The following SH3BP5 variants were observed in gnomAD, a reference collection of about 807,000 sequenced individuals.
The protein encoded by SH3BP5 is SH3 domain binding protein 5.
In SH3BP5, 22 loss-of-function variants were observed where a neutral mutation model predicts 43.3. That is an observed-to-expected ratio of 0.51 (90% CI 0.36 to 0.73). The LOEUF (loss-of-function observed/expected upper bound fraction) is 0.73, where lower values mean the gene tolerates loss of function less well. Among genes scored for constraint, SH3BP5 ranks in the 30% least tolerant of loss-of-function variants. The probability of loss-of-function intolerance (pLI) is 0.00; values close to 1 mark genes in which losing one functional copy is unlikely to be tolerated. For synonymous variants in SH3BP5, 255 were observed against 225.8 expected, an observed-to-expected ratio of 1.13 and a Z score of -1.16; for missense variants, 529 against 586.9, an observed-to-expected ratio of 0.90 and a Z score of 1.02.
intron 7 of SH3BP5, chr3:15,257,497 CCAAA>C (rs1053034425): frequency 7.4e-4 from 124 of 166,530 alleles, no homozygotes; most frequent in Non-Finnish European, 1.4e-3. Context: ...GTAACATATC[CCAAA>C]CAAAGCCAGC....
intron 3 of SH3BP5, among the ~76,000 whole-genome samples, chr3:15,292,469 T>A (rs978453446): frequency 2.0e-5 from 3 of 152,130 alleles, no homozygotes; most frequent in Non-Finnish European, 2.9e-5. Context: ...GGCTAAGACC[T>A]GCCTGCAACC....
chr3:15,256,646 C>G (rs1696212153), intron 8 of SH3BP5: 1 of 622,200 alleles, frequency 1.6e-6, no homozygotes, highest in African/African-American at 1.8e-5. Context: ...GACCTAAGCT[C>G]TACTTTATAG....
intron 3 of SH3BP5, among the ~76,000 whole-genome samples, chr3:15,294,330 T>TGCGCGC (rs71045148): frequency 6.6e-5 from 8 of 121,504 alleles, no homozygotes; most frequent in African/African-American, 2.4e-4. Flanking sequence ...TGTGTGTGTG[T>TGCGCGC]GCGCGCGCAT....
intron 3 of SH3BP5, among the ~76,000 whole-genome samples, chr3:15,292,590 T>C (rs567410372): frequency 6.6e-6 from 1 of 152,186 alleles, no homozygotes; most frequent in African/African-American, 2.4e-5. Flanking sequence ...GGCTCATGCC[T>C]GTAATCCCAG....
At chr3:15,272,043 C>A (rs1158379166) in intron 3 of SH3BP5, among the ~76,000 whole-genome samples, 1 of 152,020 alleles carries the variant, frequency 6.6e-6, no homozygotes, top group Non-Finnish European at 1.5e-5. Flanking sequence ...CCCTGGGACT[C>A]GGGAAGAGGG....
At chr3:15,320,605 A>AAC (rs376414934) in intron 2 of SH3BP5, among the ~76,000 whole-genome samples, 6,629 of 126,918 alleles carry the variant, frequency 0.052, 286 homozygotes, top group East Asian at 0.13. Flanking sequence ...ATCCAGCCAA[A>AAC]ACACACACAC....
In SH3BP5 at chr3:15,255,902, A is replaced by AAAAACCAGC; in HGVS notation, c.*175_*183dup. ...TACCCACAACAAGAACTCTGCTCTG[A>AAAAACCAGC]AAAACCAGCCCAAGAGCTCTTACCC... is the stretch of plus-strand genomic sequence containing the variant. On this transcript the variant is annotated 3_prime_UTR_variant, in exon 9 of 9. Transcript: ENST00000383791. The AAAAACCAGC allele has an allele frequency of 6.6e-6, 4 of 610,566 alleles. No individual in the cohort carries two copies. In the South Asian group the frequency reaches 8.0e-5, roughly 12 times the overall value. 37.8% of individuals were successfully genotyped at this position (610,566 alleles called of 1,614,324 possible).
chr3:15,294,701 T>C (rs1697521291), intron 3 of SH3BP5, among the ~76,000 whole-genome samples: 1 of 152,020 alleles, frequency 6.6e-6, no homozygotes, highest in African/African-American at 2.4e-5. Context: ...AATACATCAT[T>C]AGCGCTCAAA....
rs111450267 is a variant in SH3BP5, at chr3:15,295,559, C to T, written c.330+8544G>A. Among the ~76,000 whole-genome samples the T allele has an allele frequency of 7.3e-3, 1,106 of 152,262 alleles. 15 individuals carry two copies. The highest frequency in any genetic ancestry group is 0.025 in the African/African-American group (1,048 of 41,528). ...TCCTAAGTACAAGAAGGCTGTGATG[C>T]GCCTTATGGAGAAAATGCTTGCGTT... On this transcript the variant is annotated intron_variant, in intron 3 of 8. Transcript: ENST00000383791.
At chr3:15,335,739 T>C (rs548036970), upstream of SH3BP5, among the ~76,000 whole-genome samples, 1 of 152,262 alleles carries the variant, frequency 6.6e-6, no homozygotes, top group East Asian at 1.9e-4. Flanking sequence ...GGGACAACTG[T>C]ATATATTCCC....
chr3:15,265,237 G>A (rs1040859474), intron 4 of SH3BP5, among the ~76,000 whole-genome samples: 2 of 152,072 alleles, frequency 1.3e-5, no homozygotes, highest in African/African-American at 2.4e-5. Flanking sequence ...AGGGCAGCCA[G>A]GTGCGATGGG....
upstream of SH3BP5, chr3:15,332,981 G>A (rs770592778): frequency 2.4e-5 from 15 of 631,602 alleles, no homozygotes; most frequent in Non-Finnish European, 3.0e-5. Context: ...TCATCCTCTT[G>A]AGCGAACCTT....
At chr3:15,272,909 G>A (rs1696857628) in intron 3 of SH3BP5, among the ~76,000 whole-genome samples, 1 of 152,088 alleles carries the variant, frequency 6.6e-6, no homozygotes, top group South Asian at 2.1e-4. Context: ...GAACAAGGAT[G>A]CCCACCCTCC....
chr3:15,332,054 C>T, intron 1 of SH3BP5: 1 of 697,164 alleles, frequency 1.4e-6, no homozygotes, highest in East Asian at 3.2e-5. Flanking sequence ...GCGGGGGACT[C>T]CCCGCAATAG....
At chr3:15,277,707 A>G (rs1257281161) in intron 3 of SH3BP5, among the ~76,000 whole-genome samples, 1 of 152,082 alleles carries the variant, frequency 6.6e-6, no homozygotes, top group Non-Finnish European at 1.5e-5. Flanking sequence ...CTAGAGGCAC[A>G]GGCCTCCTAC....
chr3:15,310,829 G>A (rs1023103050), intron 2 of SH3BP5, among the ~76,000 whole-genome samples: 3 of 152,158 alleles, frequency 2.0e-5, no homozygotes, highest in Admixed American at 1.3e-4. Flanking sequence ...GGGGGTGGTA[G>A]AGTCTCCCTG....
At chr3:15,261,725 C>T (rs1364007349) in intron 5 of SH3BP5, among the ~76,000 whole-genome samples, 5 of 151,892 alleles carry the variant, frequency 3.3e-5, no homozygotes, top group Non-Finnish European at 5.9e-5. Flanking sequence ...TCTACTAAAG[C>T]CAGTCTTACA....
chr3:15,285,666 C>T (rs1423998673), intron 3 of SH3BP5, among the ~76,000 whole-genome samples: 1 of 152,356 alleles, frequency 6.6e-6, no homozygotes, highest in Middle Eastern at 3.4e-3. Flanking sequence ...TCTTTGAAGG[C>T]ACCGTGAGTC....
At chr3:15,335,620 G>A (rs913835615), upstream of SH3BP5, among the ~76,000 whole-genome samples, 2 of 152,104 alleles carry the variant, frequency 1.3e-5, no homozygotes, top group Non-Finnish European at 2.9e-5. Flanking sequence ...AAGTATACAG[G>A]AGGTTGTATG....
Sources: allele counts gnomAD v4.1 joint callset (sites outside exome capture counted in the v4.1 genomes callset), GRCh38; gene constraint gnomAD v4.1.1; transcripts MANE v1.5; gene names NCBI Gene and HGNC (gene_info 2026-07-23, HGNC 2026-07-21).